Variants in ITGA1 observed in about 807,000 individuals in gnomAD.
ITGA1 encodes the protein integrin subunit alpha 1.
In ITGA1, 85 loss-of-function variants were observed where a neutral mutation model predicts 145.9. The observed-to-expected ratio is 0.58, with a 90% CI of 0.49 to 0.70. The LOEUF is 0.70. Among genes scored for constraint, ITGA1 ranks in the 30% least tolerant of loss-of-function variants. ITGA1 has a pLI of 0.00. For missense variants in ITGA1, 1,351 were observed against 1,418.7 expected, an observed-to-expected ratio of 0.95 and a Z score of 0.77; for synonymous variants, 520 against 495.3, an observed-to-expected ratio of 1.05 and a Z score of -0.66.
At chr5:52,933,618 T>G (rs2111891156) in intron 22 of ITGA1, 1 of 191,902 alleles carries the variant, frequency 5.2e-6, no homozygotes, top group African/African-American at 2.3e-5. Flanking sequence ...TTACAGAAAC[T>G]TTTCACTTGT....
At chr5:52,833,672 G>T (rs1749110942) in intron 1 of ITGA1, among the ~76,000 whole-genome samples, 1 of 152,060 alleles carries the variant, frequency 6.6e-6, no homozygotes, top group African/African-American at 2.4e-5. Context: ...TGATCATAAA[G>T]TTATAGTTTA....
chr5:52,915,408 A>G (rs970772608), intron 14 of ITGA1, 56 bp from the exon 15 acceptor site: 2 of 1,540,548 alleles, frequency 1.3e-6, no homozygotes, highest in Admixed American at 3.9e-5. Context: ...GATTTATTTG[A>G]AACTGTTTTG....
intron 11 of ITGA1, chr5:52,901,805 C>G (rs1028229400): frequency 6.6e-6 from 1 of 152,166 alleles, no homozygotes; most frequent in African/African-American, 2.4e-5. Flanking sequence ...TGACTTCTCT[C>G]TGTCCAAAAA....
At chr5:52,912,563 AGGTATTATATATAGTGTATCCACTATAGG>A (rs1288567516) in intron 14 of ITGA1, among the ~76,000 whole-genome samples, 48 of 92,258 alleles carry the variant, frequency 5.2e-4, no homozygotes, top group East Asian at 2.3e-3. Context: ...TATCCACTAT[AGGTATTATATATAGTGTATCCACTATAGG>A]TATTATATAT....
intron 1 of ITGA1, among the ~76,000 whole-genome samples, chr5:52,816,880 G>A (rs576980546): frequency 9.9e-5 from 15 of 152,280 alleles, no homozygotes; most frequent in Non-Finnish European, 1.3e-4. Context: ...TCTGTATTAT[G>A]ACTAGCTACA....
rs1749534292 is a variant in ITGA1 at position 52,857,443 on chromosome 5, T to G, written c.183-4004T>G. ...CCTCCATGATAAATTTGGACACATC[T>G]CAAGCCCTTAATGGTTTGTCATTGC... is the stretch of plus-strand genomic sequence containing the variant. On this transcript the variant is annotated intron_variant, in intron 2 of 28. Transcript: ENST00000282588. Among the ~76,000 whole-genome samples the G allele has an allele frequency of 2.0e-5, 3 of 152,112 alleles. No individual in the cohort carries two copies. In the East Asian group the frequency reaches 5.8e-4, roughly 29 times the overall value.
At chr5:52,791,862 C>T (rs1209282990) in intron 1 of ITGA1, among the ~76,000 whole-genome samples, 1 of 152,074 alleles carries the variant, frequency 6.6e-6, no homozygotes, top group Non-Finnish European at 1.5e-5. Flanking sequence ...TTTCATTTGT[C>T]CAAAGTTGAA....
At chr5:52,865,323 T>G (rs2126953) in intron 5 of ITGA1, among the ~76,000 whole-genome samples, 29,679 of 152,202 alleles carry the variant, frequency 0.19, 3,125 homozygotes, top group East Asian at 0.44. Flanking sequence ...GCTGTCATGC[T>G]GCTTATATTT....
intron 7 of ITGA1, among the ~76,000 whole-genome samples, chr5:52,886,932 C>A (rs1028566632): frequency 3.9e-5 from 6 of 152,168 alleles, no homozygotes; most frequent in African/African-American, 1.4e-4. Context: ...GCGCCCGCCA[C>A]CGCACCCGGC....
chr5:52,822,712 A>G (rs747584565), intron 1 of ITGA1, among the ~76,000 whole-genome samples: 7 of 152,296 alleles, frequency 4.6e-5, no homozygotes, highest in Admixed American at 1.3e-4. Context: ...CAGAAGGCCT[A>G]TTACTTCTAA....
At chr5:52,851,502 A>G (rs1266598573) in intron 2 of ITGA1, among the ~76,000 whole-genome samples, 1 of 152,206 alleles carries the variant, frequency 6.6e-6, no homozygotes, top group Non-Finnish European at 1.5e-5. Context: ...GTCATGAGGA[A>G]TGTCCTTCCT....
At position 52,865,116 on chromosome 5, in the gene ITGA1, A is replaced by C. The variant is rs772390066; in HGVS notation, c.496+34A>C. 3 of 1,466,594 alleles carry C rather than the reference A, an allele frequency of 2.0e-6. No homozygotes were observed. In the African/African-American group the frequency reaches 4.2e-5, roughly 21 times the overall value. 90.8% of individuals were successfully genotyped at this position (1,466,594 alleles called of 1,614,324 possible). A position where few individuals can be genotyped will look rare whatever the true frequency, so the allele number is the denominator to read the frequency against. On this transcript the variant is annotated intron_variant, in intron 5 of 28. Transcript: ENST00000282588. ...TTTATGCAATGTTCTTGCATGTTTG[A>C]AAAGCCTATGCAATGAATGAGACGT...
chr5:52,899,230 C>G (rs1750277985), intron 11 of ITGA1, among the ~76,000 whole-genome samples: 1 of 152,176 alleles, frequency 6.6e-6, no homozygotes, highest in Non-Finnish European at 1.5e-5. Context: ...TGTTAGCCTT[C>G]CTCTCTGGGA....
At chr5:52,940,279 T>C (rs1751035250) in intron 26 of ITGA1, among the ~76,000 whole-genome samples, 1 of 151,906 alleles carries the variant, frequency 6.6e-6, no homozygotes, top group Non-Finnish European at 1.5e-5. Context: ...ATGTACAGAG[T>C]ATAATAAAGT....
At chr5:52,800,774 A>G (rs754805559) in intron 1 of ITGA1, 10 of 1,614,136 alleles carry the variant, frequency 6.2e-6, no homozygotes, top group South Asian at 5.5e-5. Context: ...CGCATCGAGC[A>G]GGCCTGTGAC....
chr5:52,928,366 G>GA, intron 20 of ITGA1, among the ~76,000 whole-genome samples: 1 of 152,266 alleles, frequency 6.6e-6, no homozygotes, highest in East Asian at 1.9e-4. Context: ...GATTGGTTTA[G>GA]AACTTAATCA....
chr5:52,910,865 T>C (rs933595075), intron 14 of ITGA1, among the ~76,000 whole-genome samples: 16 of 141,492 alleles, frequency 1.1e-4, no homozygotes, highest in African/African-American at 2.8e-4. Flanking sequence ...ATACACACTA[T>C]ATATAGTATA....
At chr5:52,840,031 C>A (rs1356322599) in intron 1 of ITGA1, among the ~76,000 whole-genome samples, 2 of 152,088 alleles carry the variant, frequency 1.3e-5, no homozygotes, top group Non-Finnish European at 2.9e-5. Flanking sequence ...CCAGTTAAAG[C>A]TAGTAGGTAA....
At chr5:52,873,226 A>G (rs1240251512) in intron 6 of ITGA1, among the ~76,000 whole-genome samples, 1 of 152,072 alleles carries the variant, frequency 6.6e-6, no homozygotes, top group East Asian at 1.9e-4. Context: ...CCCCTGGACA[A>G]CCCTTTACAT....
Sources: allele counts gnomAD v4.1 joint callset (sites outside exome capture counted in the v4.1 genomes callset), GRCh38; gene constraint gnomAD v4.1.1; transcripts MANE v1.5; gene names NCBI Gene and HGNC (gene_info 2026-07-23, HGNC 2026-07-21).